The following GRM5 variants were observed in gnomAD, a reference collection of about 807,000 sequenced individuals.
GRM5 encodes metabotropic glutamate receptor 5.
Under a neutral mutation model 83.1 loss-of-function variants are expected in GRM5, and 19 were observed. That is an observed-to-expected ratio of 0.23 (90% CI 0.16 to 0.34). The LOEUF (loss-of-function observed/expected upper bound fraction) is 0.34. GRM5 is among the 10% of genes least tolerant of loss of function. GRM5 has a pLI of 1.00. For synonymous variants in GRM5, 675 were observed against 633.6 expected, an observed-to-expected ratio of 1.07 and a Z score of -0.98; for missense variants, 1,160 against 1,588.3, an observed-to-expected ratio of 0.73 and a Z score of 4.58.
At chr11:89,017,520 G>T (rs1940887697) in intron 2 of GRM5, among the ~76,000 whole-genome samples, 1 of 152,096 alleles carries the variant, frequency 6.6e-6, no homozygotes, top group Admixed American at 6.6e-5. Context: ...TACCTACTCT[G>T]CTCTCAGTAC....
At chr11:88,522,263 A>C (rs1941714339) in intron 9 of GRM5, among the ~76,000 whole-genome samples, 1 of 152,184 alleles carries the variant, frequency 6.6e-6, no homozygotes, top group Non-Finnish European at 1.5e-5. Context: ...ACATAGAGTT[A>C]ACCTTTCTTC....
chr11:88,833,132 A>G (rs1189592764), intron 3 of GRM5, among the ~76,000 whole-genome samples: 1 of 152,124 alleles, frequency 6.6e-6, no homozygotes. Context: ...TTAAACCAAA[A>G]AGCTTCTGTA....
At chr11:88,651,581 T>C (rs1274378325) in intron 4 of GRM5, among the ~76,000 whole-genome samples, 1 of 152,128 alleles carries the variant, frequency 6.6e-6, no homozygotes, top group Non-Finnish European at 1.5e-5. Flanking sequence ...AATTTGAAAT[T>C]GTGAGCCATA....
chr11:88,975,979 G>A (rs1220802734), intron 2 of GRM5, among the ~76,000 whole-genome samples: 1 of 152,116 alleles, frequency 6.6e-6, no homozygotes, highest in Non-Finnish European at 1.5e-5. Context: ...AGAGAGCTAT[G>A]GTCTCACGTT....
At chr11:88,828,006 G>C (rs1943923057) in intron 3 of GRM5, among the ~76,000 whole-genome samples, 1 of 152,270 alleles carries the variant, frequency 6.6e-6, no homozygotes, top group East Asian at 1.9e-4. Flanking sequence ...TAACATCTGA[G>C]TGAAGATTTT....
intron 2 of GRM5, among the ~76,000 whole-genome samples, chr11:88,919,768 C>T (rs767733366): frequency 3.3e-5 from 5 of 151,920 alleles, no homozygotes; most frequent in Admixed American, 6.6e-5. Flanking sequence ...TATAAAAACA[C>T]GTGGAAATTA....
At chr11:88,520,567 C>A (rs1419531705) in intron 9 of GRM5, among the ~76,000 whole-genome samples, 1 of 151,760 alleles carries the variant, frequency 6.6e-6, no homozygotes, top group South Asian at 2.1e-4. Flanking sequence ...TATTGCATTG[C>A]AGTTATCTGT....
intron 8 of GRM5, among the ~76,000 whole-genome samples, chr11:88,540,569 G>A (rs1424078111): frequency 2.6e-5 from 4 of 151,920 alleles, no homozygotes; most frequent in Middle Eastern, 3.2e-3. Flanking sequence ...GAAAGTCCTG[G>A]GCATGCAATT....
intron 2 of GRM5, among the ~76,000 whole-genome samples, chr11:89,017,712 T>C (rs1940893702): frequency 6.6e-6 from 1 of 152,200 alleles, no homozygotes; most frequent in East Asian, 1.9e-4. Flanking sequence ...ATGCTTCTTC[T>C]CACAAGTACT....
chr11:88,648,695 C>G (rs1939537569), intron 4 of GRM5, among the ~76,000 whole-genome samples: 1 of 151,382 alleles, frequency 6.6e-6, no homozygotes, highest in South Asian at 2.1e-4. Flanking sequence ...TCAAATCTCT[C>G]ATTGTTTTGT....
At position 88,883,087 on chromosome 11, in the gene GRM5, G is replaced by A. The variant is rs1944987535; in HGVS notation, c.662-32932C>T. The stretch of plus-strand genomic sequence containing the variant: ...TCCTTTATAGATTAACCAGTCTTGG[G>A]TATGTCTTTAATAGCAGTGTGAGAA... On this transcript the variant is annotated intron_variant, in intron 2 of 9. Coordinates refer to ENST00000305447, the MANE Select transcript of GRM5 (RefSeq NM_001143831.3). 2.0e-5 allele frequency among the ~76,000 whole-genome samples: 3 copies of A among 152,314 alleles called. No individual in the cohort carries two copies. In the South Asian group the frequency reaches 6.2e-4, roughly 32 times the overall value.
chr11:88,736,995 G>A (rs16914739), intron 3 of GRM5, among the ~76,000 whole-genome samples: 13,771 of 152,078 alleles, frequency 0.091, 744 homozygotes, highest in African/African-American at 0.16. Context: ...ATCAGATTAA[G>A]TGCTAAACCA....
intron 3 of GRM5, among the ~76,000 whole-genome samples, chr11:88,773,551 C>A (rs531362349): frequency 6.6e-6 from 1 of 152,236 alleles, no homozygotes; most frequent in East Asian, 1.9e-4. Context: ...AATGGTAATG[C>A]CTAGGTTTTC....
intron 3 of GRM5, among the ~76,000 whole-genome samples, chr11:88,768,748 G>T (rs1205290017): frequency 1.3e-5 from 2 of 151,914 alleles, no homozygotes; most frequent in African/African-American, 4.8e-5. Flanking sequence ...TTGGCATGAT[G>T]TGAAGAAAAG....
At position 89,065,945 on chromosome 11, in the gene GRM5, G is replaced by C; in HGVS notation, c.-370C>G. 6.6e-6 allele frequency: 1 copy of C among 152,088 alleles called. No homozygotes were observed. Among genetic ancestry groups the C allele is most frequent in the Non-Finnish European group, 1.5e-5 (1 of 68,022 alleles). The allele number at this position is 152,088 out of a possible 1,614,324, so 9.4% of individuals were successfully genotyped here. On this transcript the variant is annotated 5_prime_UTR_variant, in exon 1 of 10. Coordinates refer to ENST00000305447, the MANE Select transcript of GRM5 (RefSeq NM_001143831.3). The stretch of plus-strand genomic sequence containing the variant: ...GCGGCGGTGGCGCTCGCTCTCTCGC[G>C]CCAGCGCCGGGAGCACGTGCCGCGC...
At chr11:88,855,489 G>A (rs1407382131) in intron 2 of GRM5, among the ~76,000 whole-genome samples, 1 of 151,720 alleles carries the variant, frequency 6.6e-6, no homozygotes, top group African/African-American at 2.4e-5. Context: ...TACGGTATTT[G>A]TATAATCTCT....
chr11:88,508,787 G>C lies in GRM5; in HGVS notation c.3444C>G (p.Pro1148=). ...GGTCTGGCTTGGCGGCCGCAGCCTC[G>C]GGACCGGCCGCGGGGCTCTCCCGGG... ...DAARESPAAG[P]EAAAAKPDLE... The change falls in exon 10 of 10, where the codon CCC becomes CCG. Residue 1148 remains proline, a synonymous_variant. Transcript: ENST00000305447. This position sits in a 1 kb window ranked among gnomAD's most constrained non-coding sequence, Gnocchi z 4.2. 1.4e-6 allele frequency: 2 copies of C among 1,459,658 alleles called. No homozygotes were observed. The highest frequency in any genetic ancestry group is 9.0e-7 in the Non-Finnish European group (1 of 1,112,762). 90.4% of individuals were successfully genotyped at this position (1,459,658 alleles called of 1,614,324 possible).
At chr11:88,742,060 G>C (rs933971217) in intron 3 of GRM5, among the ~76,000 whole-genome samples, 1 of 151,878 alleles carries the variant, frequency 6.6e-6, no homozygotes, top group Non-Finnish European at 1.5e-5. Context: ...AGGTTAGGCT[G>C]TGCCACAGAT....
intron 3 of GRM5, among the ~76,000 whole-genome samples, chr11:88,672,211 T>C (rs1027614613): frequency 3.9e-5 from 6 of 152,024 alleles, no homozygotes; most frequent in African/African-American, 1.4e-4. Context: ...GGCTTAAAAA[T>C]TGAAATTTGT....
Sources: gnomAD v4.1 joint callset for allele counts (sites outside exome capture counted in the v4.1 genomes callset) on GRCh38, gnomAD v4.1.1 for gene constraint, Gnocchi (gnomAD v3.1) non-coding constraint, MANE v1.5 for transcripts, NCBI Gene and HGNC (gene_info 2026-07-23, HGNC 2026-07-21) for gene names.